CCSER1: variants seen among roughly 807,000 people sequenced by gnomAD.
The protein encoded by CCSER1 is coiled-coil serine rich protein 1.
A neutral mutation model predicts 82.0 loss-of-function variants in CCSER1; 41 were observed. That is an observed-to-expected ratio of 0.50 (90% CI 0.39 to 0.65). CCSER1 has a LOEUF of 0.65. Among genes scored for constraint, CCSER1 ranks in the 30% least tolerant of loss-of-function variants. The pLI is 0.00. For synonymous variants in CCSER1, 414 were observed against 383.9 expected (o/e 1.08, Z -0.92); for missense variants, 1,119 against 1,064.2 (o/e 1.05, Z -0.72).
chr4:90,232,077 C>G (rs566939361), intron 1 of CCSER1, among the ~76,000 whole-genome samples: 3 of 152,270 alleles, frequency 2.0e-5, no homozygotes, highest in Admixed American at 1.3e-4. Flanking sequence ...AATGCCATCC[C>G]CATCAAGCTA....
chr4:90,610,826 T>A (rs1389983810), intron 5 of CCSER1, among the ~76,000 whole-genome samples: 2 of 152,112 alleles, frequency 1.3e-5, no homozygotes, highest in Non-Finnish European at 2.9e-5. Context: ...ATTACATTAA[T>A]GAGATGAGAA....
At chr4:90,212,881 C>T (rs1016661634) in intron 1 of CCSER1, among the ~76,000 whole-genome samples, 2 of 152,110 alleles carry the variant, frequency 1.3e-5, no homozygotes, top group African/African-American at 4.8e-5. Flanking sequence ...GTGTAAAGAC[C>T]TCTTAGCAGG....
rs1726900120 is a variant in CCSER1 at position 90,643,254 on chromosome 4, TGAAA to T, written c.1932+15024_1932+15027del. 2.6e-5 allele frequency among the ~76,000 whole-genome samples: 4 copies of T among 151,568 alleles called. No homozygotes were observed. In the South Asian group the frequency reaches 8.3e-4, roughly 32 times the overall value. On this transcript the variant is annotated intron_variant, in intron 6 of 10. Coordinates refer to ENST00000509176, the MANE Select transcript of CCSER1 (RefSeq NM_001145065.2). ...TCAACTCCTCAACTAAGTTGTAGTG[TGAAA>T]GCAGCTACATTAAATGAATGAATGT...
intron 10 of CCSER1, among the ~76,000 whole-genome samples, chr4:91,394,641 T>G (rs1751854536): frequency 6.6e-6 from 1 of 152,084 alleles, no homozygotes; most frequent in Non-Finnish European, 1.5e-5. Context: ...CAAATAAGTT[T>G]GAAAATTTAA....
chr4:90,664,019 A>C (rs1259509965), intron 6 of CCSER1: 1 of 168,386 alleles, frequency 5.9e-6, no homozygotes, highest in Non-Finnish European at 1.3e-5. Flanking sequence ...ATCTCTATTT[A>C]GTTAATAAGA....
At chr4:91,379,438 T>G (rs906966115) in intron 10 of CCSER1, among the ~76,000 whole-genome samples, 36 of 152,326 alleles carry the variant, frequency 2.4e-4, no homozygotes, top group African/African-American at 8.2e-4. Flanking sequence ...GAGCCTGTTA[T>G]TGGTCTATTC....
At chr4:90,215,219 A>G (rs752984566) in intron 1 of CCSER1, among the ~76,000 whole-genome samples, 1 of 152,204 alleles carries the variant, frequency 6.6e-6, no homozygotes, top group Non-Finnish European at 1.5e-5. Context: ...ATACCCAACT[A>G]GTGAAGCATT....
intron 1 of CCSER1, among the ~76,000 whole-genome samples, chr4:90,181,282 C>T (rs554899849): frequency 1.8e-3 from 275 of 152,204 alleles, no homozygotes; most frequent in Non-Finnish European, 1.3e-3. Context: ...AGCTAGTGGT[C>T]ATAGTAATTT....
intron 10 of CCSER1, among the ~76,000 whole-genome samples, chr4:91,209,784 A>AT (rs964149817): frequency 3.3e-5 from 5 of 151,428 alleles, no homozygotes; most frequent in East Asian, 1.9e-4. Flanking sequence ...TCATGGATTC[A>AT]TTTTTTTTCC....
At chr4:91,058,992 C>A (rs910372676) in intron 9 of CCSER1, among the ~76,000 whole-genome samples, 1 of 151,902 alleles carries the variant, frequency 6.6e-6, no homozygotes, top group African/African-American at 2.4e-5. Context: ...CTCCCCAAAG[C>A]ACAAGATACC....
intron 8 of CCSER1, among the ~76,000 whole-genome samples, chr4:90,921,195 C>G (rs1189436798): frequency 6.6e-6 from 1 of 152,028 alleles, no homozygotes; most frequent in East Asian, 1.9e-4. Flanking sequence ...CAAGAATCAT[C>G]TCCTGAAAGC....
At chr4:91,250,524 A>T (rs1168529923) in intron 10 of CCSER1, among the ~76,000 whole-genome samples, 1 of 151,920 alleles carries the variant, frequency 6.6e-6, no homozygotes, top group Non-Finnish European at 1.5e-5. Flanking sequence ...ATTCATTTGG[A>T]TTCCCCTAAA....
intron 10 of CCSER1, among the ~76,000 whole-genome samples, chr4:91,371,501 A>C (rs1750046101): frequency 6.6e-6 from 1 of 152,152 alleles, no homozygotes; most frequent in African/African-American, 2.4e-5. Flanking sequence ...TGCAAATGAC[A>C]GGTTCTCTTA....
intron 10 of CCSER1, among the ~76,000 whole-genome samples, chr4:91,509,185 T>C (rs536826214): frequency 1.3e-5 from 2 of 151,964 alleles, no homozygotes; most frequent in East Asian, 3.9e-4. Flanking sequence ...TGAATTGTTA[T>C]GTATTGATGC....
chr4:90,519,648 A>T (rs930794792), intron 5 of CCSER1, among the ~76,000 whole-genome samples: 1 of 151,898 alleles, frequency 6.6e-6, no homozygotes, highest in South Asian at 2.1e-4. Flanking sequence ...AAATAATGTA[A>T]CTCCACTAAT....
chr4:91,021,983 C>G (rs560535054), intron 9 of CCSER1, among the ~76,000 whole-genome samples: 92 of 151,944 alleles, frequency 6.1e-4, no homozygotes, highest in Non-Finnish European at 9.9e-4. Flanking sequence ...TGAATATTCT[C>G]AAAATCAGTT....
At chr4:90,208,803 C>T (rs1285918575) in intron 1 of CCSER1, among the ~76,000 whole-genome samples, 2 of 152,102 alleles carry the variant, frequency 1.3e-5, no homozygotes, top group East Asian at 3.9e-4. Flanking sequence ...GATGCCCTAT[C>T]TTGCTTCAGC....
chr4:90,801,276 C>T (rs1413033415), intron 7 of CCSER1, among the ~76,000 whole-genome samples: 1 of 152,026 alleles, frequency 6.6e-6, no homozygotes, highest in Non-Finnish European at 1.5e-5. Context: ...CAATTACTTT[C>T]TCTGCTTACT....
At chr4:90,776,296 A>G (rs1220458057) in intron 7 of CCSER1, among the ~76,000 whole-genome samples, 2 of 152,192 alleles carry the variant, frequency 1.3e-5, no homozygotes, top group Non-Finnish European at 2.9e-5. Flanking sequence ...TAGTTACTAA[A>G]AGACAAGGGA....
Sources: gnomAD v4.1 joint callset for allele counts (sites outside exome capture counted in the v4.1 genomes callset) on GRCh38, gnomAD v4.1.1 for gene constraint, MANE v1.5 for transcripts, NCBI Gene and HGNC (gene_info 2026-07-23, HGNC 2026-07-21) for gene names.